Variants in CNTNAP5 observed in about 807,000 individuals in gnomAD.
CNTNAP5 encodes contactin associated protein family member 5.
In CNTNAP5, 72 loss-of-function variants were observed where a neutral mutation model predicts 150.2. That is an observed-to-expected ratio of 0.48 (90% CI 0.40 to 0.58). CNTNAP5 has a LOEUF of 0.58. CNTNAP5 is among the 20% of genes least tolerant of loss of function. CNTNAP5 has a pLI of 0.00. For missense variants in CNTNAP5, 1,636 were observed against 1,626.2 expected (o/e 1.01, Z -0.10); for synonymous variants, 672 against 619.8 (o/e 1.08, Z -1.25).
intron 1 of CNTNAP5, among the ~76,000 whole-genome samples, chr2:124,047,940 C>A (rs764940060): frequency 3.3e-5 from 5 of 152,180 alleles, no homozygotes; most frequent in Non-Finnish European, 5.9e-5. Context: ...CTAGCACAAG[C>A]ATGCACATGT....
At chr2:124,863,928 G>A (rs1270537545) in intron 19 of CNTNAP5, among the ~76,000 whole-genome samples, 6 of 152,072 alleles carry the variant, frequency 3.9e-5, no homozygotes, top group African/African-American at 9.7e-5. Context: ...TTATGACATC[G>A]CTCCTCAATT....
chr2:124,442,586 A>G (rs1487648463), intron 5 of CNTNAP5, among the ~76,000 whole-genome samples: 1 of 152,222 alleles, frequency 6.6e-6, no homozygotes, highest in Non-Finnish European at 1.5e-5. Context: ...AGGGAAAACT[A>G]GAAGAATTCT....
chr2:124,377,693 G>GAAA (rs138543136), intron 3 of CNTNAP5, among the ~76,000 whole-genome samples: 1 of 143,574 alleles, frequency 7.0e-6, no homozygotes, highest in African/African-American at 2.6e-5. Context: ...AAAAAAAAAA[G>GAAA]AAAAAAAAAT....
intron 8 of CNTNAP5, among the ~76,000 whole-genome samples, chr2:124,507,636 C>T (rs552534217): frequency 6.6e-6 from 1 of 151,996 alleles, no homozygotes; most frequent in Non-Finnish European, 1.5e-5. Context: ...ATGTTTTTTT[C>T]AGACTTTTAA....
chr2:124,058,811 C>T (rs1681926454), intron 1 of CNTNAP5, among the ~76,000 whole-genome samples: 2 of 152,102 alleles, frequency 1.3e-5, no homozygotes, highest in Non-Finnish European at 2.9e-5. Context: ...TCTGAAAATC[C>T]AGTCCTTGCA....
intron 8 of CNTNAP5, 106 bp downstream of exon 8, chr2:124,504,662 G>GC: frequency 9.4e-7 from 1 of 1,064,544 alleles, no homozygotes; most frequent in South Asian, 1.6e-5. Context: ...ATATGGGTTA[G>GC]CCCAGTATTC....
At chr2:124,243,173 A>T (rs1686929349) in intron 3 of CNTNAP5, among the ~76,000 whole-genome samples, 1 of 152,206 alleles carries the variant, frequency 6.6e-6, no homozygotes, top group African/African-American at 2.4e-5. Flanking sequence ...CACTGAATAA[A>T]ATAAGTTGTA....
At chr2:124,363,138 T>C (rs1573943201) in intron 3 of CNTNAP5, among the ~76,000 whole-genome samples, 1 of 152,234 alleles carries the variant, frequency 6.6e-6, no homozygotes, top group Non-Finnish European at 1.5e-5. Context: ...TTAATTGCCC[T>C]GTTGCTGGCT....
intron 3 of CNTNAP5, among the ~76,000 whole-genome samples, chr2:124,408,327 A>G (rs959806554): frequency 3.9e-5 from 6 of 152,334 alleles, no homozygotes; most frequent in Non-Finnish European, 7.3e-5. Flanking sequence ...GCCATTGCCC[A>G]GGCTTGCTTA....
intron 3 of CNTNAP5, among the ~76,000 whole-genome samples, chr2:124,375,802 T>C (rs1258331651): frequency 6.6e-6 from 1 of 152,094 alleles, no homozygotes; most frequent in East Asian, 1.9e-4. Context: ...GTTAAAAAAC[T>C]ACATCATTCC....
intron 12 of CNTNAP5, among the ~76,000 whole-genome samples, chr2:124,634,531 C>T (rs916313506): frequency 1.3e-5 from 2 of 152,032 alleles, no homozygotes; most frequent in Non-Finnish European, 2.9e-5. Context: ...TTAAATGAGG[C>T]ACGGTATCAC....
chr2:124,202,855 A>G (rs1009512610), intron 1 of CNTNAP5, among the ~76,000 whole-genome samples: 7 of 152,120 alleles, frequency 4.6e-5, no homozygotes, highest in African/African-American at 1.7e-4. Flanking sequence ...CATGGGAATT[A>G]TGGGAGCTAC....
At chr2:124,690,105 C>A (rs1679271372) in intron 13 of CNTNAP5, among the ~76,000 whole-genome samples, 1 of 151,762 alleles carries the variant, frequency 6.6e-6, no homozygotes, top group African/African-American at 2.4e-5. Flanking sequence ...TGTTAAGCAC[C>A]AGTATGAATT....
chr2:124,086,899 T>G (rs1297241340), intron 1 of CNTNAP5, among the ~76,000 whole-genome samples: 1 of 151,744 alleles, frequency 6.6e-6, no homozygotes, highest in Non-Finnish European at 1.5e-5. Flanking sequence ...CTTAACTTAT[T>G]GTGGATTACT....
intron 3 of CNTNAP5, among the ~76,000 whole-genome samples, chr2:124,284,031 T>G (rs753462359): frequency 6.6e-6 from 1 of 152,124 alleles, no homozygotes; most frequent in Non-Finnish European, 1.5e-5. Flanking sequence ...GTACTTTACC[T>G]ATGTTCTCAT....
intron 13 of CNTNAP5, among the ~76,000 whole-genome samples, chr2:124,706,824 G>A (rs1468404386): frequency 4.0e-4 from 2 of 4,968 alleles, no homozygotes; most frequent in African/African-American, 5.1e-4. Context: ...AGGAGGAGGA[G>A]GAAGAGGAGG....
chr2:124,357,170 A>G (rs1461081310), intron 3 of CNTNAP5, among the ~76,000 whole-genome samples: 3 of 151,796 alleles, frequency 2.0e-5, no homozygotes, highest in African/African-American at 7.3e-5. Context: ...TTTTTCTTGT[A>G]AATTTGTTTG....
intron 1 of CNTNAP5, among the ~76,000 whole-genome samples, chr2:124,169,371 TA>T (rs1473352333): frequency 6.6e-6 from 1 of 152,008 alleles, no homozygotes; most frequent in East Asian, 1.9e-4. Context: ...ATTCATCCAT[TA>T]AAAAAATTGA....
At chr2:124,063,756 T>C (rs1173417592) in intron 1 of CNTNAP5, among the ~76,000 whole-genome samples, 1 of 151,964 alleles carries the variant, frequency 6.6e-6, no homozygotes, top group African/African-American at 2.4e-5. Flanking sequence ...AACGTGGAGA[T>C]GGAGTAAGAT....
Sources: gnomAD v4.1 joint callset for allele counts (sites outside exome capture counted in the v4.1 genomes callset) on GRCh38, gnomAD v4.1.1 for gene constraint, MANE v1.5 for transcripts, NCBI Gene and HGNC (gene_info 2026-07-23, HGNC 2026-07-21) for gene names.